The following ITGA9 variants were observed in gnomAD, a reference collection of about 807,000 sequenced individuals.
ITGA9 encodes the protein integrin alpha-9.
A neutral mutation model predicts 127.8 loss-of-function variants in ITGA9; 56 were observed. The ratio of observed to expected loss-of-function variants is 0.44; its 90% confidence interval spans 0.35 to 0.55. The LOEUF (loss-of-function observed/expected upper bound fraction) is 0.55. ITGA9 is among the 20% of genes least tolerant of loss of function. The probability of loss-of-function intolerance (pLI) is 0.00; values close to 1 mark genes in which losing one functional copy is unlikely to be tolerated. For missense variants in ITGA9, 1,196 were observed against 1,347.1 expected (o/e 0.89, Z 1.76); for synonymous variants, 508 against 514.5 (o/e 0.99, Z 0.17).
intron 23 of ITGA9, chr3:37,753,976 A>G (rs1475828650): frequency 6.6e-6 from 1 of 152,244 alleles, no homozygotes. Context: ...TATGGGAGGC[A>G]GGCTGTGTCC....
At chr3:37,565,519 T>C (rs1343955227) in intron 15 of ITGA9, among the ~76,000 whole-genome samples, 1 of 152,228 alleles carries the variant, frequency 6.6e-6, no homozygotes, top group East Asian at 1.9e-4. Context: ...TACACTAGGG[T>C]GGCATAGAAT....
chr3:37,544,158 G>C (rs879692599), intron 15 of ITGA9, among the ~76,000 whole-genome samples: 2 of 152,170 alleles, frequency 1.3e-5, no homozygotes, highest in Non-Finnish European at 1.5e-5. Context: ...TTCTTGCTTT[G>C]GCTGAGAAGT....
chr3:37,812,729 C>T (rs907565371), intron 27 of ITGA9, among the ~76,000 whole-genome samples: 5 of 151,972 alleles, frequency 3.3e-5, no homozygotes, highest in African/African-American at 1.2e-4. Context: ...TGAGTCACCT[C>T]CTCTAGGGTT....
intron 17 of ITGA9, among the ~76,000 whole-genome samples, chr3:37,680,304 G>A (rs13097652): frequency 0.27 from 41,592 of 152,044 alleles, 5,963 homozygotes; most frequent in Admixed American, 0.33. Context: ...AAGCAGAGAT[G>A]TGCTGTTTTA....
At chr3:37,501,331 G>A (rs1168271435) in intron 5 of ITGA9, among the ~76,000 whole-genome samples, 1 of 152,108 alleles carries the variant, frequency 6.6e-6, no homozygotes, top group Admixed American at 6.5e-5. Flanking sequence ...CTTAATGCTT[G>A]TAAAATGTCA....
At chr3:37,624,597 A>T (rs901595732) in intron 15 of ITGA9, among the ~76,000 whole-genome samples, 2 of 151,640 alleles carry the variant, frequency 1.3e-5, no homozygotes, top group South Asian at 2.1e-4. Flanking sequence ...TGTCAGAGGG[A>T]TTTTTATTTA....
intron 4 of ITGA9, among the ~76,000 whole-genome samples, chr3:37,490,576 T>C (rs750688614): frequency 7.9e-4 from 120 of 152,352 alleles, no homozygotes; most frequent in Non-Finnish European, 1.3e-3. Flanking sequence ...TGAATCTTGA[T>C]CTTTCTGTGG....
chr3:37,566,887 T>C (rs2125602703), intron 15 of ITGA9, among the ~76,000 whole-genome samples: 1 of 152,348 alleles, frequency 6.6e-6, no homozygotes, highest in East Asian at 1.9e-4. Context: ...TTCTATCAAT[T>C]GTTTTGTTAG....
intron 18 of ITGA9, among the ~76,000 whole-genome samples, chr3:37,684,395 C>T (rs1700762063): frequency 6.6e-6 from 1 of 152,198 alleles, no homozygotes. Context: ...GGGCAGATCA[C>T]TGCTTGTCGT....
chr3:37,455,683 G>A (rs1359481141), intron 1 of ITGA9, among the ~76,000 whole-genome samples: 1 of 152,148 alleles, frequency 6.6e-6, no homozygotes, highest in African/African-American at 2.4e-5. Flanking sequence ...ATTATTCTTT[G>A]TTACTTAATT....
chr3:37,531,732 A>G (rs1413992225), intron 13 of ITGA9, among the ~76,000 whole-genome samples: 24 of 152,214 alleles, frequency 1.6e-4, no homozygotes, highest in Non-Finnish European at 2.9e-5. Context: ...CTGGAGTAAA[A>G]TTTGTACTTA....
rs1040824086 is a variant in ITGA9 at position 37,463,669 on chromosome 3, A to G, written c.186-7338A>G. Among the ~76,000 whole-genome samples, 3 of 152,206 alleles carry G rather than the reference A, an allele frequency of 2.0e-5. No homozygotes were observed. In the South Asian group the frequency reaches 6.2e-4, roughly 31 times the overall value. On this transcript the variant is annotated intron_variant, in intron 1 of 27. Transcript: ENST00000264741. ...TCAAGAGGAGGCAGAAACACATTTC[A>G]TCTCTTGACAAGAGAAGCTGCAAAG...
chr3:37,470,081 T>C (rs1237262322), intron 1 of ITGA9, among the ~76,000 whole-genome samples: 1 of 151,922 alleles, frequency 6.6e-6, no homozygotes, highest in African/African-American at 2.4e-5. Context: ...TTCTGTTGTA[T>C]TGCTGTACCA....
At chr3:37,722,333 A>G (rs970143750) in intron 18 of ITGA9, among the ~76,000 whole-genome samples, 2 of 152,212 alleles carry the variant, frequency 1.3e-5, no homozygotes, top group African/African-American at 4.8e-5. Context: ...ATGCCATGCA[A>G]TTAACCCTTT....
intron 17 of ITGA9, among the ~76,000 whole-genome samples, chr3:37,656,343 T>A (rs1210517045): frequency 6.6e-6 from 1 of 152,244 alleles, no homozygotes; most frequent in Non-Finnish European, 1.5e-5. Context: ...TGTTTTTTCA[T>A]TTGTTTGTGT....
rs1393862180 is a variant in ITGA9, at chr3:37,823,199, G to C, written c.*4210G>C. The stretch of plus-strand genomic sequence containing the variant: ...TGATCTAGATTTCAGACTGTGTTAA[G>C]GTTTTTTCTTTGTTGATGTTGTTGT... On this transcript the variant is annotated 3_prime_UTR_variant, in exon 28 of 28. Coordinates refer to ENST00000264741, the MANE Select transcript of ITGA9 (RefSeq NM_002207.3). 6.6e-6 allele frequency: 1 copy of C among 152,170 alleles called. No homozygotes were observed. Among genetic ancestry groups the C allele is most frequent in the Non-Finnish European group, 1.5e-5 (1 of 68,052 alleles). The allele number at this position is 152,170 out of a possible 1,614,324, so 9.4% of individuals were successfully genotyped here. A position where few individuals can be genotyped will look rare whatever the true frequency, so the allele number is the denominator to read the frequency against.
At chr3:37,809,149 G>T (rs1255722675) in intron 27 of ITGA9, among the ~76,000 whole-genome samples, 2 of 145,992 alleles carry the variant, frequency 1.4e-5, no homozygotes, top group African/African-American at 5.1e-5. Context: ...GCAGTAGCAT[G>T]ATCTTGACTC....
chr3:37,684,176 A>G (rs993620911), intron 18 of ITGA9, among the ~76,000 whole-genome samples, 161 bp downstream of exon 18: 3 of 152,308 alleles, frequency 2.0e-5, no homozygotes, highest in South Asian at 2.1e-4. Context: ...CTTAGAAAAC[A>G]TGTTGGTATA....
intron 15 of ITGA9, chr3:37,573,336 A>G (rs1471677620): frequency 2.6e-5 from 4 of 152,124 alleles, no homozygotes; most frequent in Non-Finnish European, 5.9e-5. Flanking sequence ...TTACTGAGAG[A>G]TGATGTCCCA....
Sources: allele counts gnomAD v4.1 joint callset (sites outside exome capture counted in the v4.1 genomes callset), GRCh38; gene constraint gnomAD v4.1.1; transcripts MANE v1.5; gene names NCBI Gene and HGNC (gene_info 2026-07-23, HGNC 2026-07-21).